SUCLG2: variants seen among roughly 807,000 people sequenced by gnomAD.
SUCLG2 encodes the protein succinate--CoA ligase [GDP-forming] subunit beta, mitochondrial.
Under a neutral mutation model 47.9 loss-of-function variants are expected in SUCLG2, and 42 were observed. The ratio of observed to expected loss-of-function variants is 0.88; its 90% CI spans 0.69 to 1.14. The LOEUF is 1.14. Among genes scored for constraint, SUCLG2 ranks in the 50% most tolerant of loss-of-function variants. SUCLG2 has a pLI of 0.00. For synonymous variants in SUCLG2, 195 were observed against 197.3 expected (o/e 0.99, Z 0.10); for missense variants, 571 against 525.9 (o/e 1.09, Z -0.84).
chr3:67,598,890 G>A (rs1708353768), intron 2 of SUCLG2, among the ~76,000 whole-genome samples: 1 of 152,168 alleles, frequency 6.6e-6, no homozygotes, highest in African/African-American at 2.4e-5. Context: ...TAAAAAGGAT[G>A]GGACTATGCT....
At chr3:67,609,337 C>T (rs983642883) in intron 2 of SUCLG2, 118 bp downstream of exon 2, 4 of 1,221,732 alleles carry the variant, frequency 3.3e-6, no homozygotes, top group Non-Finnish European at 4.6e-6. Context: ...CTAAGCTCTC[C>T]CCTGTATCTG....
intron 9 of SUCLG2, among the ~76,000 whole-genome samples, chr3:67,477,028 C>A (rs1165583313): frequency 6.6e-6 from 1 of 152,174 alleles, no homozygotes; most frequent in African/African-American, 2.4e-5. Context: ...CCCTGAACAA[C>A]TGTCATGATT....
At chr3:67,500,561 T>C (rs550315851) in intron 7 of SUCLG2, among the ~76,000 whole-genome samples, 1 of 152,308 alleles carries the variant, frequency 6.6e-6, no homozygotes, top group South Asian at 2.1e-4. Context: ...AATCCTACAA[T>C]TACCAAACGA....
intron 9 of SUCLG2, among the ~76,000 whole-genome samples, chr3:67,454,547 A>G (rs76208537): frequency 0.025 from 3,822 of 152,248 alleles, 156 homozygotes; most frequent in African/African-American, 0.087. Flanking sequence ...ATATGTAGCT[A>G]TACATATATA....
intron 1 of SUCLG2, among the ~76,000 whole-genome samples, chr3:67,631,100 G>A (rs146737867): frequency 3.3e-5 from 5 of 152,260 alleles, no homozygotes; most frequent in African/African-American, 9.6e-5. Flanking sequence ...CAACAGCACT[G>A]AGAGTCCCAC....
intron 1 of SUCLG2, among the ~76,000 whole-genome samples, chr3:67,615,652 G>C (rs988660591): frequency 1.2e-5 from 1 of 85,902 alleles, no homozygotes; most frequent in South Asian, 3.0e-4. Flanking sequence ...ACACACACAC[G>C]AGATCTGATG....
intron 10 of SUCLG2, among the ~76,000 whole-genome samples, chr3:67,398,922 C>CA (rs1338176622): frequency 6.8e-6 from 1 of 147,006 alleles, no homozygotes. Context: ...ATCGCAAGGA[C>CA]AAAAAACCAA....
chr3:67,620,498 C>G (rs1349313524), intron 1 of SUCLG2, among the ~76,000 whole-genome samples: 1 of 137,290 alleles, frequency 7.3e-6, no homozygotes, highest in East Asian at 2.2e-4. Context: ...GACAGGAGAA[C>G]AGCTTGAACG....
At chr3:67,613,289 A>AC (rs1700564922) in intron 1 of SUCLG2, among the ~76,000 whole-genome samples, 1 of 152,148 alleles carries the variant, frequency 6.6e-6, no homozygotes, top group Non-Finnish European at 1.5e-5. Flanking sequence ...GACTCCAACC[A>AC]CTAGTCATCT....
At chr3:67,639,933 C>A (rs1701071053) in intron 1 of SUCLG2, among the ~76,000 whole-genome samples, 1 of 152,130 alleles carries the variant, frequency 6.6e-6, no homozygotes, top group Non-Finnish European at 1.5e-5. Context: ...AACACTAATA[C>A]CAGTATCAGT....
chr3:67,514,351 T>C (rs1051304750), intron 6 of SUCLG2: 2 of 332,152 alleles, frequency 6.0e-6, no homozygotes, highest in Non-Finnish European at 6.3e-6. Flanking sequence ...ATGTGTATTC[T>C]TGCTGAAATA....
rs60992383 is a variant in SUCLG2 at position 67,615,621 on chromosome 3, AACAC to A, written c.85-6029_85-6026del. Among the ~76,000 whole-genome samples, 385 of 142,154 alleles carry A rather than the reference AACAC, an allele frequency of 2.7e-3. 4 individuals carry two copies. Among genetic ancestry groups the A allele is most frequent in the Admixed American group, 5.3e-3 (75 of 14,216 alleles). The allele number at this position is 142,154 out of a possible 152,430, so 93.3% of individuals were successfully genotyped here. A position where few individuals can be genotyped will look rare whatever the true frequency, so the allele number is the denominator to read the frequency against. ...GCCACTGAACACAAACACAAACACA[AACAC>A]ACACACACACACACACACACACACA... On this transcript the variant is annotated intron_variant, in intron 1 of 10. Coordinates refer to ENST00000307227, the MANE Select transcript of SUCLG2 (RefSeq NM_003848.4).
intron 2 of SUCLG2, among the ~76,000 whole-genome samples, chr3:67,530,570 G>C (rs922751387): frequency 2.0e-5 from 3 of 152,176 alleles, no homozygotes; most frequent in Admixed American, 2.0e-4. Flanking sequence ...TCAAGGCAAT[G>C]GGGAGCTACA....
chr3:67,524,016 T>A (rs984601113), intron 4 of SUCLG2, among the ~76,000 whole-genome samples: 1 of 152,158 alleles, frequency 6.6e-6, no homozygotes, highest in African/African-American at 2.4e-5. Context: ...GCATGACTCT[T>A]TAAGAAAATG....
chr3:67,630,070 TA>T (rs1306014381), intron 1 of SUCLG2, among the ~76,000 whole-genome samples: 1 of 150,166 alleles, frequency 6.7e-6, no homozygotes, highest in African/African-American at 2.4e-5. Context: ...TCTCTAAAAA[TA>T]AAAAAAAACT....
At chr3:67,512,593 C>A (rs1023725925) in intron 6 of SUCLG2, among the ~76,000 whole-genome samples, 4 of 150,832 alleles carry the variant, frequency 2.7e-5, no homozygotes, top group African/African-American at 9.9e-5. Context: ...ATAATCTAAT[C>A]CAGCTACTTC....
intron 2 of SUCLG2, among the ~76,000 whole-genome samples, chr3:67,558,181 A>G (rs1575777008): frequency 1.3e-5 from 2 of 152,268 alleles, no homozygotes; most frequent in Non-Finnish European, 2.9e-5. Flanking sequence ...GCTGTTAGCT[A>G]TATTAACTTA....
At chr3:67,478,905 T>C (rs1422552527) in intron 9 of SUCLG2, among the ~76,000 whole-genome samples, 8 of 152,216 alleles carry the variant, frequency 5.3e-5, no homozygotes, top group Admixed American at 4.6e-4. Flanking sequence ...ATGATGATAG[T>C]AAATATGTTG....
chr3:67,424,775 A>G (rs904384230), intron 9 of SUCLG2, among the ~76,000 whole-genome samples: 3 of 152,032 alleles, frequency 2.0e-5, no homozygotes. Context: ...CCCCAAATGA[A>G]CTGCTGCAGG....
Sources: gnomAD v4.1 joint callset for allele counts (sites outside exome capture counted in the v4.1 genomes callset) on GRCh38, gnomAD v4.1.1 for gene constraint, MANE v1.5 for transcripts, NCBI Gene and HGNC (gene_info 2026-07-23, HGNC 2026-07-21) for gene names.